The following SEZ6L variants were observed in gnomAD, a reference collection of about 807,000 sequenced individuals.
SEZ6L encodes seizure 6-like protein.
A neutral mutation model predicts 106.2 loss-of-function variants in SEZ6L; 37 were observed. The ratio of observed to expected loss-of-function variants is 0.35; its 90% CI spans 0.27 to 0.46. The LOEUF (loss-of-function observed/expected upper bound fraction) is 0.46, where lower values mean the gene tolerates loss of function less well. Among genes scored for constraint, SEZ6L ranks in the 20% least tolerant of loss-of-function variants. The probability of loss-of-function intolerance (pLI) is 1.00; values close to 1 mark genes in which losing one functional copy is unlikely to be tolerated. For synonymous variants in SEZ6L, 541 were observed against 570.4 expected (o/e 0.95, Z 0.73); for missense variants, 1,172 against 1,332.8 (o/e 0.88, Z 1.88).
chr22:26,252,706 A>G (rs2079641597), intron 1 of SEZ6L, among the ~76,000 whole-genome samples: 1 of 152,244 alleles, frequency 6.6e-6, no homozygotes, highest in South Asian at 2.1e-4. Flanking sequence ...CTCACTTAAG[A>G]TAATGGCACC....
chr22:26,383,069 C>CTTTTTTTTT lies in SEZ6L; in HGVS notation c.*2784_*2792dup, dbSNP rs35749592. On this transcript the variant is annotated 3_prime_UTR_variant, in exon 17 of 17. Coordinates refer to ENST00000248933, the MANE Select transcript of SEZ6L (RefSeq NM_021115.5). ...CTTTAGCTTGGAGCTCAGCTTTTTGCTTTTTTTTTTTTTTTTTTGTAGAAT... is the reference window on the plus strand; with the variant it reads ...CTTTAGCTTGGAGCTCAGCTTTTTGCTTTTTTTTTTTTTTTTTTTTTTTTTTTGTAGAAT... The CTTTTTTTTT allele has an allele frequency of 1.7e-5, 2 of 119,662 alleles. No individual in the cohort carries two copies. Among genetic ancestry groups the CTTTTTTTTT allele is most frequent in the African/African-American group, 3.1e-5 (1 of 31,964 alleles). The allele number at this position is 119,662 out of a possible 1,614,324, so 7.4% of individuals were successfully genotyped here.
chr22:26,343,324 CAAAAA>C (rs763323751), intron 10 of SEZ6L, among the ~76,000 whole-genome samples: 224 of 63,126 alleles, frequency 3.5e-3, no homozygotes, highest in Middle Eastern at 0.011. Flanking sequence ...GCTTGATGGC[CAAAAA>C]AAAAAAAAAA....
intron 1 of SEZ6L, among the ~76,000 whole-genome samples, chr22:26,278,685 G>A (rs2080636556): frequency 6.6e-6 from 1 of 151,866 alleles, no homozygotes; most frequent in Non-Finnish European, 1.5e-5. Flanking sequence ...TGGGACCCAG[G>A]TTCTTTGGTG....
chr22:26,337,501 G>A (rs148766994), intron 9 of SEZ6L, among the ~76,000 whole-genome samples: 1 of 152,156 alleles, frequency 6.6e-6, no homozygotes, highest in African/African-American at 2.4e-5. Flanking sequence ...TTCATGGTAC[G>A]TAGAGCTAAA....
chr22:26,188,404 G>T (rs575205171), intron 1 of SEZ6L, among the ~76,000 whole-genome samples: 2 of 152,310 alleles, frequency 1.3e-5, no homozygotes, highest in African/African-American at 4.8e-5. Flanking sequence ...GGGTTCAACT[G>T]CATGTCTGGT....
At chr22:26,339,460 G>T (rs2082754347) in intron 9 of SEZ6L, among the ~76,000 whole-genome samples, 1 of 152,134 alleles carries the variant, frequency 6.6e-6, no homozygotes, top group African/African-American at 2.4e-5. Flanking sequence ...ATGTTTCTGT[G>T]GTATAGTGAA....
At chr22:26,175,921 A>G (rs767147187) in intron 1 of SEZ6L, among the ~76,000 whole-genome samples, 1 of 152,256 alleles carries the variant, frequency 6.6e-6, no homozygotes, top group Non-Finnish European at 1.5e-5. Context: ...TGCTTTGCAC[A>G]TACCAAGAAA....
At chr22:26,232,507 A>G (rs1268525602) in intron 1 of SEZ6L, among the ~76,000 whole-genome samples, 4 of 152,156 alleles carry the variant, frequency 2.6e-5, no homozygotes, top group Non-Finnish European at 5.9e-5. Context: ...ACAACATTTC[A>G]GTCAAGACAG....
chr22:26,265,849 T>C (rs1017017793), intron 1 of SEZ6L, among the ~76,000 whole-genome samples: 1 of 152,208 alleles, frequency 6.6e-6, no homozygotes, highest in Non-Finnish European at 1.5e-5. Context: ...TCCCAACCTC[T>C]GCTGCTCCCA....
intron 15 of SEZ6L, among the ~76,000 whole-genome samples, chr22:26,376,697 C>A (rs1568960291): frequency 6.6e-6 from 1 of 151,858 alleles, no homozygotes; most frequent in Admixed American, 6.6e-5. Flanking sequence ...TGCAGTGAGC[C>A]AAGATCATGA....
chr22:26,191,583 T>C (rs1244049245), intron 1 of SEZ6L, among the ~76,000 whole-genome samples: 1 of 59,274 alleles, frequency 1.7e-5, no homozygotes, highest in Non-Finnish European at 3.2e-5. Context: ...TGGGGCCTGT[T>C]GGAGGGTTGG....
At chr22:26,314,442 C>T (rs1228026840) in intron 9 of SEZ6L, among the ~76,000 whole-genome samples, 1 of 152,150 alleles carries the variant, frequency 6.6e-6, no homozygotes, top group African/African-American at 2.4e-5. Context: ...ACTGTAACAC[C>T]CATTTACTGG....
rs1212188281 is a variant in SEZ6L, at chr22:26,310,693, CCAA to C, written c.1542_1544del (p.Asn514del). ...AGGATGACGGTTCACAGCGGGCAGA[CCAA>C]CAAGTCAGCTCTTCTCTACGACTCC... is the stretch of plus-strand genomic sequence containing the variant. On this transcript the variant is annotated inframe_deletion, in exon 7 of 17. Coordinates refer to ENST00000248933, the MANE Select transcript of SEZ6L (RefSeq NM_021115.5). 1 of 1,614,160 alleles carries C rather than the reference CCAA, an allele frequency of 6.2e-7. No homozygotes were observed. The highest frequency in any genetic ancestry group is 1.7e-5 in the Admixed American group (1 of 60,026).
At chr22:26,286,535 G>C (rs2080937605) in intron 1 of SEZ6L, among the ~76,000 whole-genome samples, 1 of 152,160 alleles carries the variant, frequency 6.6e-6, no homozygotes, top group South Asian at 2.1e-4. Context: ...GTTGCTTCTA[G>C]CCATTTTCAT....
chr22:26,308,357 A>C (rs540882110), intron 6 of SEZ6L, among the ~76,000 whole-genome samples: 1 of 151,944 alleles, frequency 6.6e-6, no homozygotes, highest in African/African-American at 2.4e-5. Context: ...AGAAGCTCTC[A>C]TGAGAACAGG....
chr22:26,274,335 A>G (rs1273099659), intron 1 of SEZ6L, among the ~76,000 whole-genome samples: 1 of 81,956 alleles, frequency 1.2e-5, no homozygotes, highest in Non-Finnish European at 3.4e-5. Flanking sequence ...TGCATATAGA[A>G]CCTTGGATAT....
At chr22:26,211,181 T>C (rs1469595554) in intron 1 of SEZ6L, among the ~76,000 whole-genome samples, 2 of 152,224 alleles carry the variant, frequency 1.3e-5, no homozygotes, top group Non-Finnish European at 2.9e-5. Context: ...ACCGGGTCTG[T>C]ACTGTTGTGA....
In SEZ6L at chr22:26,380,139, A is replaced by G. The variant is rs2084367244; in HGVS notation, c.3046-127A>G. 28 of 773,668 alleles carry G rather than the reference A, an allele frequency of 3.6e-5. No homozygotes were observed. In the South Asian group the frequency reaches 4.2e-4, roughly 12 times the overall value. 47.9% of individuals were successfully genotyped at this position (773,668 alleles called of 1,614,324 possible). ...ATTGGCAAAAGCAAATCAGGGTCAG[A>G]GTGGGAGGGCACTGAAAAGTCACGA... On this transcript the variant is annotated intron_variant, in intron 16 of 16. Coordinates refer to ENST00000248933, the MANE Select transcript of SEZ6L (RefSeq NM_021115.5).
chr22:26,225,709 A>G (rs1205469057), intron 1 of SEZ6L, among the ~76,000 whole-genome samples: 1 of 152,208 alleles, frequency 6.6e-6, no homozygotes, highest in Non-Finnish European at 1.5e-5. Context: ...GTGGGACTCC[A>G]CGAGAAACCT....
Sources: gnomAD v4.1 joint callset for allele counts (sites outside exome capture counted in the v4.1 genomes callset) on GRCh38, gnomAD v4.1.1 for gene constraint, MANE v1.5 for transcripts, NCBI Gene and HGNC (gene_info 2026-07-23, HGNC 2026-07-21) for gene names.